Variants in TNFAIP8L3 observed in about 807,000 individuals in gnomAD.
TNFAIP8L3 encodes the protein tumor necrosis factor alpha-induced protein 8-like protein 3.
TNFAIP8L3 carries 7 observed loss-of-function variants against 11.8 expected under a neutral mutation model. That is an observed-to-expected ratio of 0.59 (90% CI 0.34 to 1.11). The LOEUF (loss-of-function observed/expected upper bound fraction) is 1.11, where lower values mean the gene tolerates loss of function less well. TNFAIP8L3 is among the 50% of genes most tolerant of loss of function. TNFAIP8L3 has a pLI of 0.03. For missense variants in TNFAIP8L3, 219 were observed against 258.6 expected (o/e 0.85, Z 1.05); for synonymous variants, 98 against 103.8 (o/e 0.94, Z 0.34).
chr15:51,091,240 G>T (rs548287804), intron 1 of TNFAIP8L3, among the ~76,000 whole-genome samples: 1 of 152,154 alleles, frequency 6.6e-6, no homozygotes, highest in African/African-American at 2.4e-5. Context: ...TTCATCCTCC[G>T]CCCCACCCTC....
chr15:51,064,665 A>G (rs886448945), intron 1 of TNFAIP8L3: 1 of 152,192 alleles, frequency 6.6e-6, no homozygotes, highest in African/African-American at 2.4e-5. Flanking sequence ...TAATGTTACA[A>G]ATGATTTAAG....
intron 1 of TNFAIP8L3, among the ~76,000 whole-genome samples, chr15:51,070,428 C>T (rs62018197): frequency 0.17 from 26,096 of 152,252 alleles, 2,459 homozygotes; most frequent in Middle Eastern, 0.22. Context: ...CTTGCTCTTC[C>T]ATGTGCTTTA....
rs6145560 is a variant in TNFAIP8L3, at chr15:51,087,919, T to TTATATATATA, written c.52+6615_52+6624dup. Among the ~76,000 whole-genome samples the TTATATATATA allele has an allele frequency of 3.1e-3, 312 of 101,524 alleles. 34 individuals carry two copies. Among genetic ancestry groups the TTATATATATA allele is most frequent in the South Asian group, 0.011 (29 of 2,684 alleles). 66.6% of individuals were successfully genotyped at this position (101,524 alleles called of 152,430 possible). On this transcript the variant is annotated intron_variant, in intron 1 of 1. Coordinates refer to ENST00000637513, the MANE Select transcript of TNFAIP8L3 (RefSeq NM_001311175.2). ...AAAATAAAATTTTTCTAGCATACCT[T>TTATATATATA]TATATATATATATATATATATATGG...
At chr15:51,071,860 C>T (rs752604076) in intron 1 of TNFAIP8L3, among the ~76,000 whole-genome samples, 20 of 152,130 alleles carry the variant, frequency 1.3e-4, no homozygotes, top group Non-Finnish European at 1.8e-4. Context: ...TTAATTTTTG[C>T]CAATCTGATA....
chr15:51,074,119 A>T (rs144265386), intron 1 of TNFAIP8L3, among the ~76,000 whole-genome samples: 8 of 152,350 alleles, frequency 5.3e-5, no homozygotes, highest in African/African-American at 1.9e-4. Context: ...TAACTTTTTC[A>T]TAGTACTATC....
rs767346083 is a variant in TNFAIP8L3 at position 51,105,078 on chromosome 15, T to C, written c.99A>G (p.Gln33=). 5.0e-6 allele frequency: 8 copies of C among 1,614,236 alleles called. 1 individual carries two copies. In the South Asian group the frequency reaches 6.6e-5, roughly 13 times the overall value. ...TTTGTAACGTGGCATCCCTTGTGCC[T>C]TGGGTCCCTGCATATCCGTTGACCC... The change falls in exon 1 of 3, where the codon CAA becomes CAG. Residue 33 remains glutamine (Q), a synonymous_variant. Transcript: ENST00000327536.
Position 51,094,478 on chromosome 15 carries a change from A to G in TNFAIP8L3, c.52+66T>C. The G allele has an allele frequency of 7.2e-7, 1 of 1,386,244 alleles. No homozygotes were observed. Among genetic ancestry groups the G allele is most frequent in the Non-Finnish European group, 9.3e-7 (1 of 1,069,580 alleles). The allele number at this position is 1,386,244 out of a possible 1,614,324, so 85.9% of individuals were successfully genotyped here. On this transcript the variant is annotated intron_variant, in intron 1 of 1. Coordinates refer to ENST00000637513, the MANE Select transcript of TNFAIP8L3 (RefSeq NM_001311175.2). The surrounding 1 kb of genome is among the most constrained non-coding windows in gnomAD (Gnocchi z 4.4). Reference sequence around the variant, plus strand: ...TGCTGAGGATCGGCTTCCCGATTTCATGCCCCAGCCTCCCGTCCTCCCCAG... The same window carrying G: ...TGCTGAGGATCGGCTTCCCGATTTCGTGCCCCAGCCTCCCGTCCTCCCCAG...
chr15:51,079,233 C>T (rs1313470514), intron 1 of TNFAIP8L3, among the ~76,000 whole-genome samples: 3 of 152,274 alleles, frequency 2.0e-5, no homozygotes, highest in African/African-American at 7.2e-5. Flanking sequence ...CTCTTACTCT[C>T]TTCCCAGCCC....
chr15:51,104,375 C>T (rs1288545485), intron 1 of TNFAIP8L3, among the ~76,000 whole-genome samples: 2 of 152,194 alleles, frequency 1.3e-5, no homozygotes, highest in Non-Finnish European at 2.9e-5. Flanking sequence ...CTAAAGCCGG[C>T]CTCTTTACTA....
chr15:51,070,418 C>T (rs1434457920), intron 1 of TNFAIP8L3, among the ~76,000 whole-genome samples: 1 of 152,224 alleles, frequency 6.6e-6, no homozygotes, highest in Non-Finnish European at 1.5e-5. Flanking sequence ...TAATAAAGTG[C>T]TTGCTCTTCC....
At chr15:51,103,512 T>C (rs1296987070) in intron 1 of TNFAIP8L3, among the ~76,000 whole-genome samples, 1 of 152,236 alleles carries the variant, frequency 6.6e-6, no homozygotes, top group Non-Finnish European at 1.5e-5. Context: ...TCTTGCCAAA[T>C]TTGTGTTATC....
chr15:51,094,910 C>G (rs1001421622), upstream of TNFAIP8L3, among the ~76,000 whole-genome samples: 7 of 151,512 alleles, frequency 4.6e-5, no homozygotes, highest in African/African-American at 1.5e-4. This position sits in a 1 kb window ranked among gnomAD's most constrained non-coding sequence, Gnocchi z 4.4. Flanking sequence ...GTCCGGCGCC[C>G]GGCGGGCTCC....
upstream of TNFAIP8L3, among the ~76,000 whole-genome samples, chr15:51,098,168 CT>C (rs1595622516): frequency 2.0e-5 from 3 of 152,324 alleles, no homozygotes; most frequent in East Asian, 5.8e-4. Context: ...AGATCCATTT[CT>C]GCTAACACAA....
intron 1 of TNFAIP8L3, among the ~76,000 whole-genome samples, chr15:51,067,630 G>T (rs1002033381): frequency 1.3e-5 from 2 of 152,234 alleles, no homozygotes; most frequent in African/African-American, 4.8e-5. Flanking sequence ...GGGGAGAGGT[G>T]CTTAGTCTAT....
intron 1 of TNFAIP8L3, among the ~76,000 whole-genome samples, chr15:51,086,954 T>A (rs1595617048): frequency 1.3e-5 from 2 of 152,012 alleles, no homozygotes; most frequent in East Asian, 1.9e-4. Flanking sequence ...AGTGGCACGA[T>A]CTAGGCTCAC....
chr15:51,060,938 C>T (rs1368865341), intron 1 of TNFAIP8L3, among the ~76,000 whole-genome samples: 1 of 152,126 alleles, frequency 6.6e-6, no homozygotes, highest in Non-Finnish European at 1.5e-5. Context: ...GAGTTTGAGA[C>T]CACCCTGGCC....
intron 1 of TNFAIP8L3, among the ~76,000 whole-genome samples, chr15:51,059,528 T>C (rs1025090425): frequency 1.3e-5 from 2 of 152,236 alleles, no homozygotes; most frequent in Admixed American, 1.3e-4. Context: ...ACCCACTGGC[T>C]ATCCTCACTC....
rs2065296063 is a variant in TNFAIP8L3, at chr15:51,069,739, A to T, written c.53-11296T>A. 1.3e-5 allele frequency among the ~76,000 whole-genome samples: 2 copies of T among 152,328 alleles called. 1 individual carries two copies. The highest frequency in any genetic ancestry group is 4.1e-4 in the South Asian group (2 of 4,820). ...AGAGAGGGACTGTGAGTTCCATTTT[A>T]TAGATGAGGAAACTGAGGCACAGTC... On this transcript the variant is annotated intron_variant, in intron 1 of 1. Coordinates refer to ENST00000637513, the MANE Select transcript of TNFAIP8L3 (RefSeq NM_001311175.2).
rs139787607 is a variant in TNFAIP8L3, at chr15:51,082,020, A to C, written c.52+12524T>G. Among the ~76,000 whole-genome samples, 9 of 152,166 alleles carry C rather than the reference A, an allele frequency of 5.9e-5. No individual in the cohort carries two copies. In the East Asian group the frequency reaches 1.3e-3, roughly 23 times the overall value. The stretch of plus-strand genomic sequence containing the variant: ...TAAATAAGGGAACTTTCCTGCTTTC[A>C]ACTTGAAAACTAAGAAAGAGTGAAT... On this transcript the variant is annotated intron_variant, in intron 1 of 1. Coordinates refer to ENST00000637513, the MANE Select transcript of TNFAIP8L3 (RefSeq NM_001311175.2).
Sources: allele counts gnomAD v4.1 joint callset (sites outside exome capture counted in the v4.1 genomes callset), GRCh38; gene constraint gnomAD v4.1.1; non-coding constraint Gnocchi (gnomAD v3.1); transcripts MANE v1.5; gene names NCBI Gene and HGNC (gene_info 2026-07-23, HGNC 2026-07-21).